The following PXYLP1 variants were observed in gnomAD, a reference collection of about 807,000 sequenced individuals.
PXYLP1 encodes the protein acid phosphatase-like 2.
PXYLP1 carries 17 observed loss-of-function variants against 37.9 expected under a neutral mutation model. The observed-to-expected ratio is 0.45, with a 90% CI of 0.31 to 0.67. PXYLP1 has a LOEUF of 0.67. Among genes scored for constraint, PXYLP1 ranks in the 30% least tolerant of loss-of-function variants. The probability of loss-of-function intolerance (pLI) is 0.07; values close to 1 mark genes in which losing one functional copy is unlikely to be tolerated. For missense variants in PXYLP1, 511 were observed against 612.0 expected (o/e 0.84, Z 1.74); for synonymous variants, 221 against 232.2 (o/e 0.95, Z 0.44).
chr3:141,274,482 C>G, intron 2 of PXYLP1: 1 of 1,515,250 alleles, frequency 6.6e-7, no homozygotes, highest in South Asian at 1.2e-5. Flanking sequence ...GTTTTTCAGG[C>G]CCAGCTAGGT....
chr3:141,282,236 T>C (rs1343160806), intron 4 of PXYLP1, among the ~76,000 whole-genome samples: 4 of 152,192 alleles, frequency 2.6e-5, no homozygotes, highest in Non-Finnish European at 5.9e-5. Context: ...ATTCAGGCAC[T>C]GTATGCTGCC....
At chr3:141,254,882 G>T (rs1217719663) in intron 1 of PXYLP1, among the ~76,000 whole-genome samples, 1 of 152,128 alleles carries the variant, frequency 6.6e-6, no homozygotes, top group East Asian at 1.9e-4. Context: ...CTTTCTAGCA[G>T]TTGTGGTCAT....
chr3:141,271,844 T>C (rs2148793902), intron 2 of PXYLP1, among the ~76,000 whole-genome samples: 1 of 152,224 alleles, frequency 6.6e-6, no homozygotes, highest in East Asian at 1.9e-4. Flanking sequence ...GGCGGAGACA[T>C]GGTCCTGGAG....
At chr3:141,269,369 C>T (rs901070531) in intron 2 of PXYLP1, among the ~76,000 whole-genome samples, 2 of 152,150 alleles carry the variant, frequency 1.3e-5, no homozygotes, top group Non-Finnish European at 2.9e-5. Flanking sequence ...TAAAATATTC[C>T]TTATGGGGTT....
chr3:141,251,367 C>T (rs1225671012), intron 1 of PXYLP1, among the ~76,000 whole-genome samples: 1 of 152,134 alleles, frequency 6.6e-6, no homozygotes, highest in Non-Finnish European at 1.5e-5. Context: ...AGAAAAACGT[C>T]AGGATGGTCT....
chr3:141,238,662 T>C (rs769080172), intron 1 of PXYLP1, among the ~76,000 whole-genome samples: 35 of 148,810 alleles, frequency 2.4e-4, no homozygotes, highest in Non-Finnish European at 4.2e-4. Flanking sequence ...CAGTTGAAAA[T>C]CCAAGTATAA....
Position 141,292,131 on chromosome 3 carries a change from TC to T in PXYLP1, c.506-135del. On this transcript the variant is annotated intron_variant, in intron 5 of 5. Transcript: ENST00000286353. This position sits in a 1 kb window ranked among gnomAD's most constrained non-coding sequence, Gnocchi z 4.3. ...CTGTTGTGAACTCGAGCTTGTAACT[TC>T]CACACCATGGGGAAACAGGCTGGAT... The T allele has an allele frequency of 1.2e-6, 1 of 819,954 alleles. No homozygotes were observed. 50.8% of individuals were successfully genotyped at this position (819,954 alleles called of 1,614,324 possible). A position where few individuals can be genotyped will look rare whatever the true frequency, so the allele number is the denominator to read the frequency against.
rs114537018 is a variant in PXYLP1 at position 141,254,574 on chromosome 3, T to C, written c.-53-5549T>C. Among the ~76,000 whole-genome samples, 1,038 of 152,308 alleles carry C rather than the reference T, an allele frequency of 6.8e-3. 20 individuals carry two copies. Among genetic ancestry groups the C allele is most frequent in the African/African-American group, 0.024 (995 of 41,554 alleles). ...TGCGCATCTTCATCAGACTTCAAGG[T>C]TGGTTTTTCTTGGGCAAGCATCTTT... On this transcript the variant is annotated intron_variant, in intron 1 of 5. Coordinates refer to ENST00000286353, the MANE Select transcript of PXYLP1 (RefSeq NM_001037172.3).
intron 3 of PXYLP1, 27 bp from the exon 4 acceptor site, chr3:141,279,351 A>T (rs1941887923): frequency 6.2e-7 from 1 of 1,613,650 alleles, no homozygotes; most frequent in Admixed American, 1.7e-5. Context: ...TTGAGTGATA[A>T]CCAGACAATG....
chr3:141,274,860 C>T (rs1197864987), intron 2 of PXYLP1, among the ~76,000 whole-genome samples: 1 of 152,142 alleles, frequency 6.6e-6, no homozygotes, highest in Non-Finnish European at 1.5e-5. Flanking sequence ...GGATCAGTTA[C>T]AGTGTTGGTC....
chr3:141,262,158 A>T, intron 2 of PXYLP1: 1 of 509,794 alleles, frequency 2.0e-6, no homozygotes, highest in Non-Finnish European at 2.5e-6. Context: ...TTCACTTCCA[A>T]TTGTGACATA....
intron 2 of PXYLP1, chr3:141,274,661 G>A (rs908610700): frequency 4.2e-6 from 3 of 718,374 alleles, no homozygotes; most frequent in East Asian, 5.4e-5. Flanking sequence ...AGTCAGCGGG[G>A]GATATAAATG....
chr3:141,257,942 AG>A (rs1257098276), intron 1 of PXYLP1, among the ~76,000 whole-genome samples: 1 of 151,620 alleles, frequency 6.6e-6, no homozygotes, highest in African/African-American at 2.4e-5. Flanking sequence ...AGAGAGAGAA[AG>A]AAAGAAGAAA....
At chr3:141,241,997 T>C (rs1401114247) in intron 1 of PXYLP1, among the ~76,000 whole-genome samples, 1 of 152,216 alleles carries the variant, frequency 6.6e-6, no homozygotes, top group Non-Finnish European at 1.5e-5. Context: ...AACTCCAGCA[T>C]GTAGTTGGTG....
intron 1 of PXYLP1, chr3:141,258,818 C>T (rs1941324244): frequency 6.6e-6 from 1 of 152,222 alleles, no homozygotes; most frequent in Admixed American, 6.5e-5. Flanking sequence ...GTTACAAAAC[C>T]ACAAAATCAA....
At chr3:141,284,925 A>T (rs554493600) in intron 4 of PXYLP1, among the ~76,000 whole-genome samples, 1 of 152,258 alleles carries the variant, frequency 6.6e-6, no homozygotes, top group Admixed American at 6.5e-5. Flanking sequence ...TTCATGAAAC[A>T]TCCAAGGATG....
intron 1 of PXYLP1, among the ~76,000 whole-genome samples, chr3:141,249,470 C>CTTTTTTTTTT (rs564313232): frequency 1.1e-5 from 1 of 93,174 alleles, no homozygotes; most frequent in African/African-American, 4.2e-5. Context: ...ACTTTGGAAG[C>CTTTTTTTTTT]TTTTTTTTTT....
intron 2 of PXYLP1, among the ~76,000 whole-genome samples, chr3:141,266,800 G>T (rs1941527436): frequency 6.6e-6 from 1 of 152,090 alleles, no homozygotes; most frequent in Admixed American, 6.5e-5. Flanking sequence ...GTTTCCTGTG[G>T]CCCTGATCCC....
chr3:141,253,535 G>T (rs531413627), intron 1 of PXYLP1, among the ~76,000 whole-genome samples: 43 of 152,060 alleles, frequency 2.8e-4, no homozygotes, highest in Admixed American at 8.5e-4. Flanking sequence ...TTCTGGCATT[G>T]CCACTTCAGA....
Sources: allele counts gnomAD v4.1 joint callset (sites outside exome capture counted in the v4.1 genomes callset), GRCh38; gene constraint gnomAD v4.1.1; non-coding constraint Gnocchi (gnomAD v3.1); transcripts MANE v1.5; gene names NCBI Gene and HGNC (gene_info 2026-07-23, HGNC 2026-07-21).